The following PHIP variants were observed in gnomAD, a reference collection of about 807,000 sequenced individuals.
PHIP encodes PH-interacting protein.
Under a neutral mutation model 236.8 loss-of-function variants are expected in PHIP, and 54 were observed. That is an observed-to-expected ratio of 0.23 (90% confidence interval 0.18 to 0.29). The LOEUF (loss-of-function observed/expected upper bound fraction) is 0.29, where lower values mean the gene tolerates loss of function less well. Ranked by LOEUF, PHIP falls within the 10% of genes least tolerant of loss-of-function variation. The probability of loss-of-function intolerance (pLI) is 1.00; values close to 1 mark genes in which losing one functional copy is unlikely to be tolerated. For synonymous variants in PHIP, 756 were observed against 718.9 expected, an observed-to-expected ratio of 1.05 and a Z score of -0.83; for missense variants, 1,370 against 2,190.8, an observed-to-expected ratio of 0.63 and a Z score of 7.48.
intron 6 of PHIP, among the ~76,000 whole-genome samples, chr6:79,044,040 C>T (rs1057087413): frequency 1.3e-5 from 2 of 151,984 alleles, no homozygotes; most frequent in African/African-American, 4.8e-5. Flanking sequence ...ATATTATTCA[C>T]ATCCAATAAA....
chr6:78,961,487 G>A (rs776430651), intron 31 of PHIP, among the ~76,000 whole-genome samples: 3 of 151,920 alleles, frequency 2.0e-5, no homozygotes, highest in Non-Finnish European at 2.9e-5. Flanking sequence ...CAGCAGCATC[G>A]ACATTACTGG....
intron 9 of PHIP, 68 bp from the exon 10 acceptor site, chr6:79,019,227 T>C: frequency 8.6e-7 from 1 of 1,162,564 alleles, no homozygotes; most frequent in Non-Finnish European, 1.3e-6. Context: ...ATAATCTGTT[T>C]CAAAAAATAA....
intron 7 of PHIP, among the ~76,000 whole-genome samples, chr6:79,027,141 A>C (rs1221185221): frequency 6.6e-6 from 1 of 152,298 alleles, no homozygotes; most frequent in East Asian, 1.9e-4. Flanking sequence ...TAATTCAGAC[A>C]ACTTTCTGCA....
chr6:79,072,252 G>C (rs1341713930), intron 4 of PHIP, among the ~76,000 whole-genome samples: 1 of 152,122 alleles, frequency 6.6e-6, no homozygotes, highest in African/African-American at 2.4e-5. Flanking sequence ...AAGAAAAAAA[G>C]CTTTGCATAT....
chr6:78,958,389 C>T (rs1262902680), intron 32 of PHIP, 86 bp downstream of exon 32: 5 of 881,392 alleles, frequency 5.7e-6, no homozygotes, highest in Non-Finnish European at 8.9e-6. Flanking sequence ...TTCTTCTTTA[C>T]AAACAGTATG....
In PHIP at chr6:79,026,034, C is replaced by T. The variant is rs764829297; in HGVS notation, c.731G>A (p.Ser244Asn). The change falls in exon 8 of 40, where the codon AGT becomes AAT. Residue 244 changes from serine to asparagine, a missense_variant. By Grantham distance (46) the Ser-to-Asn change is conservative. Coordinates refer to ENST00000275034, the MANE Select transcript of PHIP (RefSeq NM_017934.7). Reference sequence around the variant, plus strand: ...CCAGACTCGGATCATTTTATCACAACTTCCAGCTGCTATCATGGTATTCTC... The same window carrying T: ...CCAGACTCGGATCATTTTATCACAATTTCCAGCTGCTATCATGGTATTCTC... Reference protein sequence around the residue: ...NYENTMIAAGSCDKMIRVWCL... With the variant: ...NYENTMIAAGNCDKMIRVWCL... 6.2e-7 allele frequency: 1 copy of T among 1,614,100 alleles called. No homozygotes were observed. Among genetic ancestry groups the T allele is most frequent in the Admixed American group, 1.7e-5 (1 of 60,022 alleles).
At chr6:78,945,261 G>A in intron 39 of PHIP, 39 bp downstream of exon 39, 1 of 1,355,390 alleles carries the variant, frequency 7.4e-7, no homozygotes, top group Non-Finnish European at 1.1e-6. Flanking sequence ...TTTATAATAA[G>A]GATCTACTGT....
intron 23 of PHIP, among the ~76,000 whole-genome samples, chr6:78,982,403 T>A (rs1414341877): frequency 6.6e-6 from 1 of 152,092 alleles, no homozygotes; most frequent in Non-Finnish European, 1.5e-5. Context: ...AATGAAGGAA[T>A]GTTACAAGAC....
At position 79,077,836 on chromosome 6, in the gene PHIP, G is replaced by C; in HGVS notation, c.99+19C>G. 29 of 1,429,014 alleles carry C rather than the reference G, an allele frequency of 2.0e-5. No homozygotes were observed. Among genetic ancestry groups the C allele is most frequent in the Non-Finnish European group, 2.7e-5 (29 of 1,085,018 alleles). The allele number at this position is 1,429,014 out of a possible 1,614,324, so 88.5% of individuals were successfully genotyped here. ...CGAGCGGCGAGCGCCGGCCCGGCCC[G>C]CGCCGCGCGCCGCCGTACCTGAGCC... On this transcript the variant is annotated intron_variant, in intron 2 of 39. Transcript: ENST00000275034.
chr6:78,986,052 A>T (rs1160432510), intron 21 of PHIP, among the ~76,000 whole-genome samples: 1 of 152,162 alleles, frequency 6.6e-6, no homozygotes, highest in African/African-American at 2.4e-5. Flanking sequence ...TTTGAAATTA[A>T]TTTTTACTTC....
chr6:79,052,855 C>T (rs1772866579), intron 6 of PHIP, among the ~76,000 whole-genome samples: 1 of 152,112 alleles, frequency 6.6e-6, no homozygotes, highest in Non-Finnish European at 1.5e-5. Context: ...ATGGACAGAG[C>T]TGGCACATTA....
At chr6:79,063,298 G>A (rs532067942) in intron 4 of PHIP, among the ~76,000 whole-genome samples, 10 of 152,170 alleles carry the variant, frequency 6.6e-5, no homozygotes, top group Non-Finnish European at 1.3e-4. Context: ...ATGCAGAAAC[G>A]ACTGACTTCC....
At chr6:79,013,390 T>A (rs1562178784) in intron 15 of PHIP, among the ~76,000 whole-genome samples, 1 of 151,784 alleles carries the variant, frequency 6.6e-6, no homozygotes. Context: ...ACTTATTACA[T>A]GTATTTGTTT....
chr6:79,060,797 C>CA lies in PHIP; in HGVS notation c.210_211insT (p.Ala71CysfsTer3), dbSNP rs2127772548. 6.2e-7 allele frequency: 1 copy of CA among 1,610,588 alleles called. No individual in the cohort carries two copies. Among genetic ancestry groups the CA allele is most frequent in the Non-Finnish European group, 8.5e-7 (1 of 1,177,206 alleles). ...CATATTTGCAGCAAGTGATCAGGTG[C>CA]TAAGTGTCTGTAATACTTCACCTAT... On this transcript the variant is annotated frameshift_variant, in exon 5 of 40. Coordinates refer to ENST00000275034, the MANE Select transcript of PHIP (RefSeq NM_017934.7). LOFTEE classifies it high-confidence loss of function.
intron 7 of PHIP, among the ~76,000 whole-genome samples, chr6:79,034,328 G>T (rs1329294916): frequency 6.6e-6 from 1 of 152,092 alleles, no homozygotes; most frequent in Non-Finnish European, 1.5e-5. Context: ...TGACTTTAAT[G>T]TTCTCATGAA....
intron 7 of PHIP, among the ~76,000 whole-genome samples, chr6:79,036,034 A>G (rs73464167): frequency 0.1 from 15,936 of 152,196 alleles, 856 homozygotes; most frequent in Middle Eastern, 0.18. Flanking sequence ...GGTAAGGAAT[A>G]TAAGCATACT....
chr6:79,043,131 T>C (rs1488371338), intron 6 of PHIP, 128 bp from the exon 7 acceptor site: 7 of 698,890 alleles, frequency 1.0e-5, no homozygotes, highest in African/African-American at 3.6e-5. Context: ...CTGATATATA[T>C]GGCTTCTAGT....
rs1035909588 is a variant in PHIP, at chr6:78,975,689, A to G, written c.2889+2903T>C. Reference sequence around the variant, plus strand: ...ACTTCAGCAAAGTCTCAGGATACAAAATCAATGTGCAAAAATCACAAGCAT... The same window carrying G: ...ACTTCAGCAAAGTCTCAGGATACAAGATCAATGTGCAAAAATCACAAGCAT... On this transcript the variant is annotated intron_variant, in intron 24 of 39. Coordinates refer to ENST00000275034, the MANE Select transcript of PHIP (RefSeq NM_017934.7). Among the ~76,000 whole-genome samples the G allele has an allele frequency of 7.9e-5, 12 of 152,306 alleles. 1 individual carries two copies. The highest frequency in any genetic ancestry group is 4.6e-4 in the Admixed American group (7 of 15,304).
At chr6:78,995,036 C>T (rs1769520427) in intron 19 of PHIP, among the ~76,000 whole-genome samples, 1 of 152,156 alleles carries the variant, frequency 6.6e-6, no homozygotes, top group Admixed American at 6.5e-5. Flanking sequence ...TGCAATATCC[C>T]CAAAGTATGC....
Sources: gnomAD v4.1 joint callset for allele counts (sites outside exome capture counted in the v4.1 genomes callset) on GRCh38, gnomAD v4.1.1 for gene constraint, MANE v1.5 for transcripts, NCBI Gene and HGNC (gene_info 2026-07-23, HGNC 2026-07-21) for gene names.